Variants in ZDHHC3 observed in about 807,000 individuals in gnomAD.
ZDHHC3 encodes palmitoyltransferase ZDHHC3.
Under a neutral mutation model 30.6 loss-of-function variants are expected in ZDHHC3, and 9 were observed. That is an observed-to-expected ratio of 0.29 (90% CI 0.18 to 0.51). The LOEUF is 0.51. ZDHHC3 is among the 20% of genes least tolerant of loss of function. ZDHHC3 has a pLI of 0.97. For synonymous variants in ZDHHC3, 136 were observed against 140.2 expected, an observed-to-expected ratio of 0.97 and a Z score of 0.21; for missense variants, 246 against 384.2, an observed-to-expected ratio of 0.64 and a Z score of 3.01.
intron 1 of ZDHHC3, among the ~76,000 whole-genome samples, chr3:44,960,641 T>C (rs2125912305): frequency 6.6e-6 from 1 of 152,360 alleles, no homozygotes. Flanking sequence ...GAAACTGTGA[T>C]GGCTCAAGCT....
chr3:44,963,275 A>G (rs1704636171), intron 1 of ZDHHC3, among the ~76,000 whole-genome samples: 1 of 152,212 alleles, frequency 6.6e-6, no homozygotes, highest in Non-Finnish European at 1.5e-5. Context: ...CCTGTGATCT[A>G]GGAAAGGACC....
At chr3:44,964,376 G>A (rs1468090187) in intron 1 of ZDHHC3, among the ~76,000 whole-genome samples, 1 of 152,198 alleles carries the variant, frequency 6.6e-6, no homozygotes, top group African/African-American at 2.4e-5. Flanking sequence ...GGGTGGGCCT[G>A]GCAGGAAAAT....
Position 44,975,930 on chromosome 3 carries a change from G to A in ZDHHC3, c.-25+3C>T. On this transcript the variant is annotated splice_donor_region_variant and intron_variant, in intron 1 of 6. Transcript: ENST00000424952. ...CCTACCCCAGTTTCCCTTCCCAACT[G>A]ACCGTGAAGCCGGAGGCAGTTCCCC... The A allele has an allele frequency of 4.1e-6, 1 of 241,796 alleles. No homozygotes were observed. The highest frequency in any genetic ancestry group is 7.9e-6 in the Non-Finnish European group (1 of 127,032). 15.0% of individuals were successfully genotyped at this position (241,796 alleles called of 1,614,324 possible).
chr3:44,976,116 A>G lies in ZDHHC3; in HGVS notation c.-208T>C. 2.0e-6 allele frequency: 1 copy of G among 500,828 alleles called. No individual in the cohort carries two copies. Among genetic ancestry groups the G allele is most frequent in the Non-Finnish European group, 3.3e-6 (1 of 305,080 alleles). The allele number at this position is 500,828 out of a possible 1,614,324, so 31.0% of individuals were successfully genotyped here. A position where few individuals can be genotyped will look rare whatever the true frequency, so the allele number is the denominator to read the frequency against. ...ACCGGGCGGCGCGCAGGAGAAGCCCATCGAGCTCTCCCGGCAGTGGCGGCG... is the reference window on the plus strand; with the variant it reads ...ACCGGGCGGCGCGCAGGAGAAGCCCGTCGAGCTCTCCCGGCAGTGGCGGCG... On this transcript the variant is annotated 5_prime_UTR_variant, in exon 1 of 7. It removes an upstream start codon present in the reference 5' UTR. Transcript: ENST00000424952.
At chr3:44,961,809 T>C (rs1437072686) in intron 1 of ZDHHC3, among the ~76,000 whole-genome samples, 1 of 152,230 alleles carries the variant, frequency 6.6e-6, no homozygotes, top group East Asian at 1.9e-4. Flanking sequence ...ACAATTACTA[T>C]TTAAGCTCAA....
chr3:44,955,455 T>TA (rs1703853482), intron 2 of ZDHHC3, among the ~76,000 whole-genome samples: 1 of 89,052 alleles, frequency 1.1e-5, no homozygotes, highest in Non-Finnish European at 2.1e-5. Flanking sequence ...ACCACAAGGT[T>TA]TTTATATATA....
intron 3 of ZDHHC3, among the ~76,000 whole-genome samples, chr3:44,939,286 C>A (rs1702237104): frequency 6.6e-6 from 1 of 152,266 alleles, no homozygotes; most frequent in Admixed American, 6.5e-5. Flanking sequence ...TAAAAATACA[C>A]ATGAATATAC....
rs186625105 is a variant in ZDHHC3, at chr3:44,965,951, C to T, written c.-24-6491G>A. Among the ~76,000 whole-genome samples, 340 of 152,326 alleles carry T rather than the reference C, an allele frequency of 2.2e-3. 1 individual carries two copies. Among genetic ancestry groups the T allele is most frequent in the Admixed American group, 3.9e-3 (59 of 15,306 alleles). ...ACATTCTCACATCCACATGAACATT[C>T]ATGCACTCGTGAACAGCACACATCT... On this transcript the variant is annotated intron_variant, in intron 1 of 6. Transcript: ENST00000424952.
In ZDHHC3 at chr3:44,918,559, AC is replaced by A. The variant is rs958085626; in HGVS notation, c.*8129del. 1 of 985,116 alleles carries A rather than the reference AC, an allele frequency of 1.0e-6. No individual in the cohort carries two copies. The highest frequency in any genetic ancestry group is 1.7e-5 in the African/African-American group (1 of 57,154). 61.0% of individuals were successfully genotyped at this position (985,116 alleles called of 1,614,324 possible). A position where few individuals can be genotyped will look rare whatever the true frequency, so the allele number is the denominator to read the frequency against. On this transcript the variant is annotated 3_prime_UTR_variant, in exon 7 of 7. Transcript: ENST00000424952. ...GATCCCCTCCTAAATATTTTTGGCC[AC>A]TCCCACCAGGGTAGATAGGGGCTGC...
At chr3:44,938,785 C>T (rs973831538) in intron 3 of ZDHHC3, among the ~76,000 whole-genome samples, 4 of 152,108 alleles carry the variant, frequency 2.6e-5, no homozygotes, top group Non-Finnish European at 4.4e-5. Context: ...GGTGTGCTGT[C>T]CCCTGGATTC....
chr3:44,963,260 G>A (rs1319509880), intron 1 of ZDHHC3, among the ~76,000 whole-genome samples: 2 of 152,158 alleles, frequency 1.3e-5, no homozygotes, highest in African/African-American at 4.8e-5. Flanking sequence ...ACTGGTGAGC[G>A]AGAACCTGTG....
In ZDHHC3 at chr3:44,920,121, G is replaced by A. The variant is rs1700488003; in HGVS notation, c.*6568C>T. 4.1e-6 allele frequency: 5 copies of A among 1,232,548 alleles called. No individual in the cohort carries two copies. The highest frequency in any genetic ancestry group is 5.2e-6 in the Non-Finnish European group (5 of 955,116). The allele number at this position is 1,232,548 out of a possible 1,614,324, so 76.4% of individuals were successfully genotyped here. A position where few individuals can be genotyped will look rare whatever the true frequency, so the allele number is the denominator to read the frequency against. ...ATCCAAGTTTTACCAATGAGCCAAT[G>A]TTACTTTTATAATCAGAACAAAAAT... On this transcript the variant is annotated 3_prime_UTR_variant, in exon 7 of 7. Coordinates refer to ENST00000424952, the MANE Select transcript of ZDHHC3 (RefSeq NM_001135179.2).
chr3:44,957,522 C>T (rs1055538666), intron 2 of ZDHHC3, among the ~76,000 whole-genome samples: 2 of 152,210 alleles, frequency 1.3e-5, no homozygotes, highest in African/African-American at 2.4e-5. Context: ...CTCCCATCCT[C>T]CTCCTTAGGC....
At chr3:44,937,907 C>A in intron 3 of ZDHHC3, 1 of 491,410 alleles carries the variant, frequency 2.0e-6, no homozygotes, top group South Asian at 1.5e-5. Context: ...TACCTTCTGC[C>A]TCTGCCCTGA....
At chr3:44,958,072 G>A (rs1704109931) in intron 2 of ZDHHC3, among the ~76,000 whole-genome samples, 1 of 152,196 alleles carries the variant, frequency 6.6e-6, no homozygotes, top group Non-Finnish European at 1.5e-5. Context: ...GGCGATGGCT[G>A]TCCCGCATGC....
intron 1 of ZDHHC3, among the ~76,000 whole-genome samples, chr3:44,961,907 A>G (rs960156073): frequency 5.9e-5 from 9 of 152,250 alleles, no homozygotes; most frequent in African/African-American, 1.9e-4. Context: ...CAAGAGTTGA[A>G]TAGCTGTAAC....
intron 2 of ZDHHC3, among the ~76,000 whole-genome samples, chr3:44,955,653 C>T (rs1201696681): frequency 6.6e-6 from 1 of 152,038 alleles, no homozygotes; most frequent in African/African-American, 2.4e-5. Context: ...TGACCACTTT[C>T]TAAAAAAAGA....
chr3:44,924,846 A>C lies in ZDHHC3; in HGVS notation c.*1843T>G. The C allele has an allele frequency of 4.1e-6, 4 of 985,564 alleles. No homozygotes were observed. The highest frequency in any genetic ancestry group is 3.6e-6 in the Non-Finnish European group (3 of 829,942). 61.1% of individuals were successfully genotyped at this position (985,564 alleles called of 1,614,324 possible). On this transcript the variant is annotated 3_prime_UTR_variant, in exon 7 of 7. Coordinates refer to ENST00000424952, the MANE Select transcript of ZDHHC3 (RefSeq NM_001135179.2). ...TCTAAAACAGCATTCTTTTCTTTTT[A>C]ATCTTAGCATCTCAGCCTCGCCCGT...
At position 44,922,767 on chromosome 3, in the gene ZDHHC3, C is replaced by T. The variant is rs1700692468; in HGVS notation, c.*3922G>A. 2.0e-6 allele frequency: 2 copies of T among 984,930 alleles called. No individual in the cohort carries two copies. 61.0% of individuals were successfully genotyped at this position (984,930 alleles called of 1,614,324 possible). On this transcript the variant is annotated 3_prime_UTR_variant, in exon 7 of 7. Transcript: ENST00000424952. The stretch of plus-strand genomic sequence containing the variant: ...CTGGTTCGGTAGCCTGGGGTGGGGA[C>T]CGAGAATGTGCATTTCTAACAAGTT...
Sources: gnomAD v4.1 joint callset for allele counts (sites outside exome capture counted in the v4.1 genomes callset) on GRCh38, gnomAD v4.1.1 for gene constraint, MANE v1.5 for transcripts, NCBI Gene and HGNC (gene_info 2026-07-23, HGNC 2026-07-21) for gene names.